The following TBC1D5 variants were observed in gnomAD, a reference collection of about 807,000 sequenced individuals.
TBC1D5 encodes the protein TBC1 domain family member 5.
In TBC1D5, 75 loss-of-function variants were observed where a neutral mutation model predicts 100.3. The observed-to-expected ratio is 0.75, with a 90% confidence interval of 0.62 to 0.91. TBC1D5 has a LOEUF of 0.91. Among genes scored for constraint, TBC1D5 ranks in the 40% least tolerant of loss-of-function variants. TBC1D5 has a pLI of 0.00. For missense variants in TBC1D5, 910 were observed against 942.4 expected (o/e 0.97, Z 0.45); for synonymous variants, 323 against 325.6 (o/e 0.99, Z 0.09).
intron 21 of TBC1D5, among the ~76,000 whole-genome samples, chr3:17,166,057 T>C (rs1369330871): frequency 6.6e-6 from 1 of 152,180 alleles, no homozygotes; most frequent in African/African-American, 2.4e-5. Context: ...ATAAATTATA[T>C]ACAATGTTGA....
At chr3:17,484,035 A>G (rs1191979175) in intron 3 of TBC1D5, among the ~76,000 whole-genome samples, 1 of 152,176 alleles carries the variant, frequency 6.6e-6, no homozygotes, top group Non-Finnish European at 1.5e-5. Context: ...AAGTGGCCTC[A>G]TTAGGTAAAG....
At chr3:17,697,145 A>C (rs1427560684) in intron 1 of TBC1D5, among the ~76,000 whole-genome samples, 2 of 152,226 alleles carry the variant, frequency 1.3e-5, no homozygotes, top group African/African-American at 4.8e-5. Context: ...CACAGCCAAT[A>C]TCATACCGAA....
chr3:17,584,239 G>A (rs1203366444), intron 2 of TBC1D5, among the ~76,000 whole-genome samples: 1 of 152,210 alleles, frequency 6.6e-6, no homozygotes. Context: ...ACTTTGGCAT[G>A]ATGGAAATGT....
At chr3:17,465,908 T>C (rs977465284) in intron 3 of TBC1D5, among the ~76,000 whole-genome samples, 1 of 152,234 alleles carries the variant, frequency 6.6e-6, no homozygotes, top group African/African-American at 2.4e-5. Context: ...AGCAGGGCAA[T>C]TCCTGGAGGA....
chr3:17,585,911 C>T (rs2096729785), intron 2 of TBC1D5, among the ~76,000 whole-genome samples: 2 of 151,982 alleles, frequency 1.3e-5, no homozygotes, highest in African/African-American at 4.8e-5. Flanking sequence ...ATCTGATATA[C>T]CTCCAACTGT....
chr3:17,165,036 G>A (rs1231828558), intron 21 of TBC1D5, among the ~76,000 whole-genome samples: 1 of 152,176 alleles, frequency 6.6e-6, no homozygotes, highest in Non-Finnish European at 1.5e-5. Context: ...GCCCCAGGAA[G>A]GGCTGACTGT....
chr3:17,231,422 A>G (rs2075405580), intron 17 of TBC1D5, among the ~76,000 whole-genome samples: 1 of 152,108 alleles, frequency 6.6e-6, no homozygotes, highest in South Asian at 2.1e-4. Flanking sequence ...CCTTATATTC[A>G]GGTTTTTTCT....
At chr3:17,341,405 C>T (rs938472495) in intron 13 of TBC1D5, among the ~76,000 whole-genome samples, 1 of 152,094 alleles carries the variant, frequency 6.6e-6, no homozygotes, top group African/African-American at 2.4e-5. Context: ...ACTGTGTTAG[C>T]CAGGATGGTC....
intron 17 of TBC1D5, among the ~76,000 whole-genome samples, chr3:17,228,592 C>A (rs989491934): frequency 5.3e-5 from 8 of 152,144 alleles, no homozygotes; most frequent in African/African-American, 1.9e-4. Context: ...ATCATATATG[C>A]ATCACATAAG....
chr3:17,274,164 A>G (rs1387086793), intron 15 of TBC1D5, among the ~76,000 whole-genome samples: 3 of 152,226 alleles, frequency 2.0e-5, no homozygotes, highest in Non-Finnish European at 2.9e-5. Context: ...AAACATATAC[A>G]TAGGTAAAAA....
At chr3:17,210,482 C>T (rs1205898914) in intron 18 of TBC1D5, among the ~76,000 whole-genome samples, 1 of 152,172 alleles carries the variant, frequency 6.6e-6, no homozygotes, top group East Asian at 1.9e-4. Flanking sequence ...GTCACCACGC[C>T]CAGCCATTTC....
intron 2 of TBC1D5, among the ~76,000 whole-genome samples, chr3:17,579,798 A>C (rs1188541564): frequency 4.5e-4 from 68 of 152,130 alleles, no homozygotes; most frequent in Non-Finnish European, 4.4e-5. Flanking sequence ...AACCACAGAT[A>C]AGAGGGAACT....
At chr3:17,614,316 A>G (rs976442900) in intron 2 of TBC1D5, among the ~76,000 whole-genome samples, 1 of 152,194 alleles carries the variant, frequency 6.6e-6, no homozygotes, top group African/African-American at 2.4e-5. Flanking sequence ...GAAGTCAGGT[A>G]GCTTGATGCC....
chr3:17,692,708 T>C (rs2071351458), intron 1 of TBC1D5, among the ~76,000 whole-genome samples: 1 of 152,260 alleles, frequency 6.6e-6, no homozygotes, highest in Non-Finnish European at 1.5e-5. Flanking sequence ...TTCTAAATGC[T>C]TTCTCTGAAT....
At chr3:17,265,376 T>C (rs938136414) in intron 15 of TBC1D5, among the ~76,000 whole-genome samples, 1 of 152,104 alleles carries the variant, frequency 6.6e-6, no homozygotes, top group Non-Finnish European at 1.5e-5. Flanking sequence ...CCCTAATATC[T>C]TGCTACCAAC....
chr3:17,291,518 T>C (rs958606350), intron 15 of TBC1D5, among the ~76,000 whole-genome samples: 3 of 152,242 alleles, frequency 2.0e-5, no homozygotes, highest in South Asian at 2.1e-4. Context: ...TTTCTTGATC[T>C]TCATATGGCC....
intron 14 of TBC1D5, among the ~76,000 whole-genome samples, chr3:17,304,512 A>G (rs2083197361): frequency 6.6e-6 from 1 of 152,044 alleles, no homozygotes; most frequent in Non-Finnish European, 1.5e-5. Flanking sequence ...GACTAAAATG[A>G]TTCTCCCACC....
chr3:17,342,208 G>A (rs925680526), intron 13 of TBC1D5, among the ~76,000 whole-genome samples: 7 of 152,192 alleles, frequency 4.6e-5, no homozygotes, highest in African/African-American at 1.7e-4. Flanking sequence ...TCACATTTTA[G>A]TCTATCCTAA....
chr3:17,634,909 C>A (rs1419553986), intron 1 of TBC1D5, among the ~76,000 whole-genome samples: 3 of 151,956 alleles, frequency 2.0e-5, no homozygotes, highest in African/African-American at 4.8e-5. Flanking sequence ...CTATCGAATA[C>A]AATTAAACAC....
Sources: gnomAD v4.1 joint callset for allele counts (sites outside exome capture counted in the v4.1 genomes callset) on GRCh38, gnomAD v4.1.1 for gene constraint, MANE v1.5 for transcripts, NCBI Gene and HGNC (gene_info 2026-07-23, HGNC 2026-07-21) for gene names.